PARD3B: variants seen among roughly 807,000 people sequenced by gnomAD.
PARD3B encodes par-3 family cell polarity regulator beta.
PARD3B carries 103 observed loss-of-function variants against 130.2 expected under a neutral mutation model. That is an observed-to-expected ratio of 0.79 (90% CI 0.67 to 0.93). The LOEUF is 0.93. Among genes scored for constraint, PARD3B ranks in the 40% least tolerant of loss-of-function variants. The probability of loss-of-function intolerance (pLI) is 0.00; values close to 1 mark genes in which losing one functional copy is unlikely to be tolerated. For synonymous variants in PARD3B, 583 were observed against 553.2 expected (o/e 1.05, Z -0.76); for missense variants, 1,609 against 1,499.2 (o/e 1.07, Z -1.21).
intron 2 of PARD3B, among the ~76,000 whole-genome samples, chr2:204,793,203 A>G (rs2042256812): frequency 6.6e-6 from 1 of 152,166 alleles, no homozygotes; most frequent in African/African-American, 2.4e-5. Flanking sequence ...TGACAAAAAC[A>G]AAGTTTTCGT....
intron 18 of PARD3B, among the ~76,000 whole-genome samples, chr2:205,313,898 A>G (rs2105941907): frequency 6.6e-6 from 1 of 152,354 alleles, no homozygotes; most frequent in African/African-American, 2.4e-5. Flanking sequence ...GAGGTTAAAT[A>G]TGCTTATTTA....
At chr2:205,056,388 C>A (rs1454247604) in intron 4 of PARD3B, among the ~76,000 whole-genome samples, 1 of 151,852 alleles carries the variant, frequency 6.6e-6, no homozygotes. Context: ...TTAGATGAAT[C>A]ACATTTTAAA....
chr2:205,564,555 C>T lies in PARD3B; in HGVS notation c.3260+11152C>T, dbSNP rs973086276. 6.6e-6 allele frequency among the ~76,000 whole-genome samples: 1 copy of T among 152,204 alleles called. No individual in the cohort carries two copies. The highest frequency in any genetic ancestry group is 1.5e-5 in the Non-Finnish European group (1 of 68,036). On this transcript the variant is annotated intron_variant, in intron 22 of 22. Coordinates refer to ENST00000406610, the MANE Select transcript of PARD3B (RefSeq NM_001302769.2). The surrounding 1 kb of genome is among the most constrained non-coding windows in gnomAD (Gnocchi z 4.6). The stretch of plus-strand genomic sequence containing the variant: ...GCCAGGAAACTATTGTTGGTTCTTT[C>T]ACAGTGTAGTTCTGGCACATCCTTA...
At chr2:205,100,455 GT>G (rs1232748864) in intron 4 of PARD3B, among the ~76,000 whole-genome samples, 2,011 of 146,824 alleles carry the variant, frequency 0.014, 18 homozygotes, top group Non-Finnish European at 0.019. Flanking sequence ...AAACCCAACT[GT>G]TTTTTTTTTG....
intron 18 of PARD3B, among the ~76,000 whole-genome samples, chr2:205,357,861 G>A (rs568703497): frequency 6.6e-6 from 1 of 152,228 alleles, no homozygotes; most frequent in African/African-American, 2.4e-5. Flanking sequence ...AAATAAGAAG[G>A]CATAGATACA....
At chr2:204,933,860 CT>C (rs1688213019) in intron 2 of PARD3B, among the ~76,000 whole-genome samples, 2 of 152,140 alleles carry the variant, frequency 1.3e-5, no homozygotes, top group South Asian at 4.1e-4. Context: ...GCAGTATTAC[CT>C]TTGCCATTGT....
Position 205,582,999 on chromosome 2 carries a change from A to C in PARD3B, c.3260+29596A>C, listed in dbSNP as rs1329618388. Among the ~76,000 whole-genome samples the C allele has an allele frequency of 2.6e-5, 4 of 152,164 alleles. No homozygotes were observed. In the South Asian group the frequency reaches 6.2e-4, roughly 24 times the overall value. ...ATGGCAGGTGGGGGGAAGGGTGTAA[A>C]TATATAACCTAATTGTATAGAAATA... On this transcript the variant is annotated intron_variant, in intron 22 of 22. Coordinates refer to ENST00000406610, the MANE Select transcript of PARD3B (RefSeq NM_001302769.2).
chr2:205,301,727 T>G lies in PARD3B; in HGVS notation c.2630+26T>G, dbSNP rs772694854. On this transcript the variant is annotated intron_variant, in intron 18 of 22. Coordinates refer to ENST00000406610, the MANE Select transcript of PARD3B (RefSeq NM_001302769.2). The surrounding 1 kb of genome is among the most constrained non-coding windows in gnomAD (Gnocchi z 5.2). ...GTATGGGCCTGCTTTGAAGGCAAAG[T>G]TGGTTCTCATTTTGTCTCTCCTGGT... The G allele has an allele frequency of 1.2e-6, 2 of 1,613,864 alleles. No individual in the cohort carries two copies. The highest frequency in any genetic ancestry group is 3.3e-5 in the Admixed American group (2 of 59,990).
chr2:205,462,016 A>G (rs2048469545), intron 20 of PARD3B, among the ~76,000 whole-genome samples: 1 of 152,262 alleles, frequency 6.6e-6, no homozygotes, highest in African/African-American at 2.4e-5. Context: ...TACCTTATAC[A>G]TCTGTGTTCC....
intron 2 of PARD3B, among the ~76,000 whole-genome samples, chr2:204,742,133 C>T (rs967391425): frequency 1.3e-5 from 2 of 152,088 alleles, no homozygotes; most frequent in African/African-American, 4.8e-5. Flanking sequence ...TGCAATTGTT[C>T]TTAGTATTTA....
intron 1 of PARD3B, among the ~76,000 whole-genome samples, chr2:204,670,542 G>T (rs1488167911): frequency 2.0e-5 from 3 of 151,842 alleles, no homozygotes; most frequent in South Asian, 2.1e-4. Context: ...GTGCTTTTAT[G>T]TCTAAATATG....
At position 205,021,648 on chromosome 2, in the gene PARD3B, C is replaced by CTA. The variant is rs775169800; in HGVS notation, c.395-25932_395-25931insAT. Among the ~76,000 whole-genome samples, 35 of 128,792 alleles carry CTA rather than the reference C, an allele frequency of 2.7e-4. No individual in the cohort carries two copies. The highest frequency in any genetic ancestry group is 3.7e-3 in the Middle Eastern group (1 of 270). The allele number at this position is 128,792 out of a possible 152,430, so 84.5% of individuals were successfully genotyped here. On this transcript the variant is annotated intron_variant, in intron 3 of 22. Coordinates refer to ENST00000406610, the MANE Select transcript of PARD3B (RefSeq NM_001302769.2). This position sits in a 1 kb window ranked among gnomAD's most constrained non-coding sequence, Gnocchi z 4.5. ...TCTCTCTTTCTCTCTCTCTCTCTCT[C>CTA]TCTATATATATATATATAGTTAATC...
chr2:204,816,063 A>G (rs970778858), intron 2 of PARD3B, among the ~76,000 whole-genome samples: 4 of 151,898 alleles, frequency 2.6e-5, no homozygotes, highest in Admixed American at 1.3e-4. Context: ...GGGTTTTACT[A>G]TGTTAGTGGT....
At chr2:204,953,745 G>A (rs774240103) in intron 2 of PARD3B, among the ~76,000 whole-genome samples, 5 of 152,098 alleles carry the variant, frequency 3.3e-5, no homozygotes, top group African/African-American at 7.2e-5. Context: ...AGATTTTTGG[G>A]TCCAGTCCTA....
intron 1 of PARD3B, among the ~76,000 whole-genome samples, chr2:204,679,392 C>T (rs1005472890): frequency 9.2e-5 from 14 of 152,064 alleles, no homozygotes; most frequent in African/African-American, 3.4e-4. Context: ...TGTTTATGTT[C>T]AGTTACTGCC....
At position 205,615,723 on chromosome 2, in the gene PARD3B, C is replaced by A. The variant is rs1413802452; in HGVS notation, c.3528C>A (p.Gly1176=). The change falls in exon 23 of 23, where the codon GGC becomes GGA. Residue 1176 remains glycine, a synonymous_variant. Coordinates refer to ENST00000406610, the MANE Select transcript of PARD3B (RefSeq NM_001302769.2). ...HQRMPAYQET[G]RPGPRGGSPD... is the part of the protein sequence containing the mutation. The stretch of plus-strand genomic sequence containing the variant: ...GAATGCCAGCCTATCAGGAAACAGG[C>A]AGACCAGGGCCCCGTGGGGGCAGCC... 1 of 1,614,160 alleles carries A rather than the reference C, an allele frequency of 6.2e-7. No individual in the cohort carries two copies. Among genetic ancestry groups the A allele is most frequent in the East Asian group, 2.2e-5 (1 of 44,858 alleles).
intron 1 of PARD3B, among the ~76,000 whole-genome samples, chr2:204,652,054 G>T (rs183002027): frequency 7.5e-4 from 114 of 152,274 alleles, no homozygotes; most frequent in African/African-American, 2.6e-3. Flanking sequence ...ACCTGTGATG[G>T]GAGGGGCTGC....
chr2:205,415,971 C>T (rs1220648417), intron 19 of PARD3B, among the ~76,000 whole-genome samples: 1 of 152,106 alleles, frequency 6.6e-6, no homozygotes, highest in African/African-American at 2.4e-5. Flanking sequence ...ACTATGTAGA[C>T]ATGTTTATGA....
At chr2:204,750,936 T>C (rs1431107417) in intron 2 of PARD3B, among the ~76,000 whole-genome samples, 2 of 152,190 alleles carry the variant, frequency 1.3e-5, no homozygotes, top group Admixed American at 6.5e-5. Context: ...TATTTCACCA[T>C]AGATGAACAC....
Sources: allele counts gnomAD v4.1 joint callset (sites outside exome capture counted in the v4.1 genomes callset), GRCh38; gene constraint gnomAD v4.1.1; non-coding constraint Gnocchi (gnomAD v3.1); transcripts MANE v1.5; gene names NCBI Gene and HGNC (gene_info 2026-07-23, HGNC 2026-07-21).